The following EEFSEC variants were observed in gnomAD, a reference collection of about 807,000 sequenced individuals.
EEFSEC encodes eukaryotic elongation factor, selenocysteine-tRNA specific, also known as selenocysteine-specific elongation factor.
Under a neutral mutation model 42.1 loss-of-function variants are expected in EEFSEC, and 43 were observed. That is an observed-to-expected ratio of 1.02 (90% CI 0.80 to 1.32). The LOEUF is 1.32. Ranked by LOEUF, EEFSEC falls within the 40% of genes most tolerant of loss-of-function variation. The probability of loss-of-function intolerance (pLI) is 0.00; values close to 1 mark genes in which losing one functional copy is unlikely to be tolerated. For missense variants in EEFSEC, 745 were observed against 803.6 expected, an observed-to-expected ratio of 0.93 and a Z score of 0.88; for synonymous variants, 354 against 339.1, an observed-to-expected ratio of 1.04 and a Z score of -0.48.
intron 1 of EEFSEC, among the ~76,000 whole-genome samples, chr3:128,161,767 A>C (rs2065190299): frequency 6.6e-6 from 1 of 152,090 alleles, no homozygotes; most frequent in African/African-American, 2.4e-5. Flanking sequence ...TGTGCCCTTC[A>C]TTCTTTCTGC....
At chr3:128,347,914 T>C (rs1468087930) in intron 5 of EEFSEC, among the ~76,000 whole-genome samples, 1 of 152,214 alleles carries the variant, frequency 6.6e-6, no homozygotes, top group Non-Finnish European at 1.5e-5. Context: ...TTCAATAAGC[T>C]TGATTTTTAG....
chr3:128,368,234 C>G (rs572794981), intron 6 of EEFSEC, among the ~76,000 whole-genome samples: 2 of 152,190 alleles, frequency 1.3e-5, no homozygotes, highest in South Asian at 4.2e-4. Context: ...GAGTTGGAGA[C>G]CAGACTGGCC....
intron 1 of EEFSEC, 106 bp from the exon 2 acceptor site, chr3:128,246,730 C>T (rs1199023670): frequency 5.1e-6 from 6 of 1,183,240 alleles, no homozygotes; most frequent in Non-Finnish European, 7.4e-6. Context: ...CCATTTATTC[C>T]ACTTTGCTCA....
At chr3:128,288,581 G>A (rs1438383901) in intron 4 of EEFSEC, among the ~76,000 whole-genome samples, 2 of 152,192 alleles carry the variant, frequency 1.3e-5, no homozygotes, top group Non-Finnish European at 2.9e-5. Context: ...GAGATTTGGG[G>A]CTCACTGTGG....
intron 6 of EEFSEC, among the ~76,000 whole-genome samples, chr3:128,377,431 C>T (rs1014008043): frequency 1.3e-5 from 2 of 152,172 alleles, no homozygotes; most frequent in African/African-American, 2.4e-5. Flanking sequence ...TTAGTTTCCT[C>T]GCCTGTAAAA....
At position 128,264,760 on chromosome 3, in the gene EEFSEC, T is replaced by C; in HGVS notation, c.765T>C (p.Ser255=). The C allele has an allele frequency of 6.2e-7, 1 of 1,613,988 alleles. No homozygotes were observed. Among genetic ancestry groups the C allele is most frequent in the Non-Finnish European group, 8.5e-7 (1 of 1,179,944 alleles). The change falls in exon 4 of 7, where the codon AGT becomes AGC. Residue 255 remains serine, a synonymous_variant. Coordinates refer to ENST00000254730, the MANE Select transcript of EEFSEC (RefSeq NM_021937.5). ...CAGGCTCCATCAGCCTCGGTGACAG[T>C]GTGGAGATCCCTGCCCTCAAGGTCA... ...ILSGSISLGD[S]VEIPALKVVK...
intron 1 of EEFSEC, among the ~76,000 whole-genome samples, chr3:128,198,237 G>A (rs1422088262): frequency 6.6e-6 from 1 of 152,206 alleles, no homozygotes; most frequent in Non-Finnish European, 1.5e-5. Flanking sequence ...CATAGCTCTG[G>A]AGTGGAGTGC....
downstream of EEFSEC, among the ~76,000 whole-genome samples, chr3:128,411,053 G>A (rs557752819): frequency 2.6e-5 from 4 of 152,344 alleles, no homozygotes; most frequent in African/African-American, 9.6e-5. Context: ...CCCAGGAGAG[G>A]CCTCTATCAG....
chr3:128,253,691 C>T (rs1372650722), intron 2 of EEFSEC, among the ~76,000 whole-genome samples: 1 of 152,036 alleles, frequency 6.6e-6, no homozygotes, highest in Non-Finnish European at 1.5e-5. Context: ...TTTTCCCTCC[C>T]TCGTTCCCTC....
At position 128,375,856 on chromosome 3, in the gene EEFSEC, G is replaced by A. The variant is rs192955861; in HGVS notation, c.1600+17483G>A. On this transcript the variant is annotated intron_variant, in intron 6 of 6. Transcript: ENST00000254730. ...TGCACATGCTCACTGCTCACTGTTG[G>A]ATGAGTGAGTGAGTGGGCAAACCCC... Among the ~76,000 whole-genome samples the A allele has an allele frequency of 3.7e-3, 566 of 152,320 alleles. 3 individuals are homozygous for A. The highest frequency in any genetic ancestry group is 5.2e-3 in the Non-Finnish European group (351 of 68,036).
chr3:128,378,486 C>T (rs1418541727), intron 6 of EEFSEC, among the ~76,000 whole-genome samples: 1 of 152,208 alleles, frequency 6.6e-6, no homozygotes, highest in Non-Finnish European at 1.5e-5. Context: ...TCCCCAGGGC[C>T]TAGCACACTG....
chr3:128,203,118 A>C (rs1465339896), intron 1 of EEFSEC, among the ~76,000 whole-genome samples: 8 of 152,220 alleles, frequency 5.3e-5, no homozygotes, highest in Non-Finnish European at 7.3e-5. Flanking sequence ...AGTTGGTAGA[A>C]TACAGATTGT....
chr3:128,228,667 G>T (rs975248133), intron 1 of EEFSEC, among the ~76,000 whole-genome samples: 1 of 151,896 alleles, frequency 6.6e-6, no homozygotes, highest in East Asian at 1.9e-4. Flanking sequence ...CCAGGTCCGC[G>T]GCCTGAGTGG....
intron 2 of EEFSEC, among the ~76,000 whole-genome samples, chr3:128,256,973 G>C (rs761403862): frequency 3.3e-5 from 5 of 152,056 alleles, no homozygotes; most frequent in Admixed American, 1.3e-4. Flanking sequence ...TAGAACTCCT[G>C]GCCTCAAGTG....
At chr3:128,301,679 TG>T (rs1176056887) in intron 4 of EEFSEC, among the ~76,000 whole-genome samples, 5 of 152,200 alleles carry the variant, frequency 3.3e-5, no homozygotes, top group Admixed American at 6.5e-5. Flanking sequence ...GTGGCAACTT[TG>T]TTTCTCTCCT....
intron 1 of EEFSEC, among the ~76,000 whole-genome samples, chr3:128,232,627 C>G (rs1333301211): frequency 6.6e-6 from 1 of 152,200 alleles, no homozygotes; most frequent in African/African-American, 2.4e-5. Context: ...AAGCCTAAAG[C>G]ATGAAATCAA....
At chr3:128,168,090 A>G (rs2065259920) in intron 1 of EEFSEC, among the ~76,000 whole-genome samples, 1 of 152,166 alleles carries the variant, frequency 6.6e-6, no homozygotes, top group Admixed American at 6.5e-5. Context: ...GAAGGGTATT[A>G]ATTCAGACCT....
rs570946660 is a variant in EEFSEC, at chr3:128,281,763, C to T, written c.786+16982C>T. Among the ~76,000 whole-genome samples, 13 of 152,324 alleles carry T rather than the reference C, an allele frequency of 8.5e-5. 1 individual carries two copies. The South Asian group carries it at 2.5e-3, about 29-fold the overall frequency. The stretch of plus-strand genomic sequence containing the variant: ...GGGAGGAACCTCTGAGGCAGGCACT[C>T]AGGGGTCCTCCTCTGGGCCCTGTGC... On this transcript the variant is annotated intron_variant, in intron 4 of 6. Transcript: ENST00000254730.
At chr3:128,224,279 T>G (rs1242169518) in intron 1 of EEFSEC, among the ~76,000 whole-genome samples, 1 of 152,244 alleles carries the variant, frequency 6.6e-6, no homozygotes, top group Non-Finnish European at 1.5e-5. Flanking sequence ...TTTCATAGAA[T>G]GTATTTCTTC....
Sources: gnomAD v4.1 joint callset for allele counts (sites outside exome capture counted in the v4.1 genomes callset) on GRCh38, gnomAD v4.1.1 for gene constraint, MANE v1.5 for transcripts, NCBI Gene and HGNC (gene_info 2026-07-23, HGNC 2026-07-21) for gene names.